Variants in DCDC1 observed in about 807,000 individuals in gnomAD.
The protein encoded by DCDC1 is doublecortin domain-containing protein 1.
Under a neutral mutation model 178.3 loss-of-function variants are expected in DCDC1, and 200 were observed. The observed-to-expected ratio is 1.12, with a 90% CI of 1.00 to 1.26. The LOEUF is 1.26. Among genes scored for constraint, DCDC1 ranks in the 50% most tolerant of loss-of-function variants. The pLI is 0.00. For synonymous variants in DCDC1, 690 were observed against 604.8 expected (o/e 1.14, Z -2.07); for missense variants, 1,983 against 1,749.2 (o/e 1.13, Z -2.38).
At chr11:30,879,441 C>T (rs1054753054) in intron 37 of DCDC1, among the ~76,000 whole-genome samples, 2 of 152,034 alleles carry the variant, frequency 1.3e-5, no homozygotes, top group African/African-American at 2.4e-5. Context: ...TTCTAAAGAA[C>T]GACTAAATCA....
At chr11:31,250,409 CACACACATAT>C (rs1943904391) in intron 8 of DCDC1, among the ~76,000 whole-genome samples, 6 of 99,300 alleles carry the variant, frequency 6.0e-5, no homozygotes, top group Admixed American at 4.8e-4. Context: ...CACACACACA[CACACACATAT>C]ACATATATAT....
At chr11:30,915,446 C>A (rs1014493767) in intron 27 of DCDC1, 65 bp downstream of exon 27, 2 of 1,553,468 alleles carry the variant, frequency 1.3e-6, no homozygotes, top group Non-Finnish European at 1.8e-6. Flanking sequence ...CTGTGGGGAC[C>A]ATGCTAGACT....
At chr11:31,313,961 T>C (rs1948915548) in intron 3 of DCDC1, among the ~76,000 whole-genome samples, 1 of 152,212 alleles carries the variant, frequency 6.6e-6, no homozygotes, top group African/African-American at 2.4e-5. Flanking sequence ...TGGAAGTGTA[T>C]ATGTCTCTAC....
chr11:31,234,943 T>C (rs572171088), intron 9 of DCDC1, among the ~76,000 whole-genome samples: 1 of 152,358 alleles, frequency 6.6e-6, no homozygotes, highest in Non-Finnish European at 1.5e-5. Context: ...TAGGCAATAA[T>C]ACCTGTAGGT....
intron 20 of DCDC1, among the ~76,000 whole-genome samples, chr11:30,957,120 T>C (rs1948815072): frequency 6.6e-6 from 1 of 152,170 alleles, no homozygotes; most frequent in Non-Finnish European, 1.5e-5. Flanking sequence ...TGAAGGCCAA[T>C]ACTTGTGCTT....
chr11:30,970,528 C>A (rs1188542903), intron 20 of DCDC1, among the ~76,000 whole-genome samples: 2 of 152,224 alleles, frequency 1.3e-5, no homozygotes, highest in Non-Finnish European at 2.9e-5. Context: ...ACAGACTCTG[C>A]CACTGCTGCT....
At chr11:31,221,132 T>G (rs936853069) in intron 9 of DCDC1, among the ~76,000 whole-genome samples, 4 of 152,222 alleles carry the variant, frequency 2.6e-5, no homozygotes, top group African/African-American at 9.6e-5. Context: ...CCTTCTTGCA[T>G]GCGAAACACA....
intron 7 of DCDC1, among the ~76,000 whole-genome samples, chr11:31,278,527 T>G (rs1946160211): frequency 6.6e-6 from 1 of 152,080 alleles, no homozygotes; most frequent in African/African-American, 2.4e-5. Context: ...GTGGGAGGAC[T>G]GGGAAGATAT....
intron 17 of DCDC1, among the ~76,000 whole-genome samples, chr11:31,086,833 G>C (rs1957510289): frequency 6.6e-6 from 1 of 152,004 alleles, no homozygotes; most frequent in South Asian, 2.1e-4. Flanking sequence ...TGCACTTATA[G>C]TCATGAGAGA....
chr11:31,026,002 A>C (rs1233308766), intron 20 of DCDC1, among the ~76,000 whole-genome samples: 9 of 151,862 alleles, frequency 5.9e-5, no homozygotes, highest in Non-Finnish European at 1.3e-4. Context: ...AGAGTTATGT[A>C]AAATGCAGAA....
chr11:31,098,278 C>T (rs557329545), intron 15 of DCDC1, among the ~76,000 whole-genome samples: 1 of 152,226 alleles, frequency 6.6e-6, no homozygotes, highest in Admixed American at 6.5e-5. Flanking sequence ...AGTTTGATTG[C>T]CCTTAAACTG....
rs747950342 is a variant in DCDC1, at chr11:31,305,596, T to C, written c.754+19A>G. The C allele has an allele frequency of 2.5e-6, 4 of 1,612,202 alleles. No individual in the cohort carries two copies. Among genetic ancestry groups the C allele is most frequent in the African/African-American group, 1.3e-5 (1 of 74,876 alleles). Reference sequence around the variant, plus strand: ...ATTCAGTATGTGTGGGGGTAGGGTATTTTTTAGATCTTTTTTACCTTTAAT... The same window carrying C: ...ATTCAGTATGTGTGGGGGTAGGGTACTTTTTAGATCTTTTTTACCTTTAAT... On this transcript the variant is annotated intron_variant, in intron 6 of 38. Coordinates refer to ENST00000684477, the MANE Select transcript of DCDC1 (RefSeq NM_001387274.1).
chr11:31,074,315 A>T (rs941119634), intron 18 of DCDC1, among the ~76,000 whole-genome samples: 2 of 152,166 alleles, frequency 1.3e-5, no homozygotes, highest in Non-Finnish European at 2.9e-5. Flanking sequence ...AACCCTCCAC[A>T]CAAAAGTCAT....
chr11:31,188,113 T>C (rs1485048888), intron 9 of DCDC1, among the ~76,000 whole-genome samples: 5 of 152,162 alleles, frequency 3.3e-5, no homozygotes, highest in Non-Finnish European at 5.9e-5. Context: ...TGCACCACTG[T>C]ACCCAGTTCT....
intron 20 of DCDC1, among the ~76,000 whole-genome samples, chr11:30,997,010 G>A (rs1951311575): frequency 6.6e-6 from 1 of 152,114 alleles, no homozygotes; most frequent in African/African-American, 2.4e-5. Context: ...CAATATAAAG[G>A]AATGAGCTGT....
chr11:31,258,888 C>A (rs1170838967), intron 8 of DCDC1, among the ~76,000 whole-genome samples: 1 of 152,078 alleles, frequency 6.6e-6, no homozygotes, highest in Non-Finnish European at 1.5e-5. Flanking sequence ...ACATTGATCA[C>A]CCTCAGTTGA....
chr11:31,021,166 T>G (rs1358017757), intron 20 of DCDC1, among the ~76,000 whole-genome samples: 2 of 152,170 alleles, frequency 1.3e-5, no homozygotes, highest in Non-Finnish European at 2.9e-5. Context: ...TGGAAAACAA[T>G]TTGGCAAGAA....
chr11:31,193,356 T>A (rs992847526), intron 9 of DCDC1, among the ~76,000 whole-genome samples: 2 of 152,080 alleles, frequency 1.3e-5, no homozygotes, highest in South Asian at 4.1e-4. Context: ...ATTTGAAATC[T>A]AAAATGCTCC....
At chr11:31,104,172 G>A (rs1958695278) in intron 13 of DCDC1, among the ~76,000 whole-genome samples, 1 of 152,022 alleles carries the variant, frequency 6.6e-6, no homozygotes, top group Non-Finnish European at 1.5e-5. Context: ...CTATTTCTGT[G>A]AGCTCACTAA....
Sources: allele counts gnomAD v4.1 joint callset (sites outside exome capture counted in the v4.1 genomes callset), GRCh38; gene constraint gnomAD v4.1.1; transcripts MANE v1.5; gene names NCBI Gene and HGNC (gene_info 2026-07-23, HGNC 2026-07-21).